TMEM117: variants seen among roughly 807,000 people sequenced by gnomAD.
TMEM117 encodes the protein transmembrane protein 117.
Under a neutral mutation model 52.4 loss-of-function variants are expected in TMEM117, and 27 were observed. The observed-to-expected ratio is 0.51, with a 90% confidence interval of 0.38 to 0.71. TMEM117 has a LOEUF of 0.71. TMEM117 is among the 30% of genes least tolerant of loss of function. The pLI is 0.00. For synonymous variants in TMEM117, 215 were observed against 206.3 expected (o/e 1.04, Z -0.36); for missense variants, 556 against 630.5 (o/e 0.88, Z 1.26).
intron 2 of TMEM117, among the ~76,000 whole-genome samples, chr12:43,905,187 T>C (rs1944365628): frequency 1.3e-5 from 2 of 152,136 alleles, no homozygotes; most frequent in Admixed American, 1.3e-4. Flanking sequence ...TGCCTGTGTA[T>C]GTCTCCCCTA....
intron 5 of TMEM117, among the ~76,000 whole-genome samples, chr12:44,239,528 G>A (rs1041538887): frequency 2.0e-5 from 3 of 152,010 alleles, no homozygotes; most frequent in African/African-American, 7.2e-5. Context: ...AACCCATGTT[G>A]GTTCTTAGCG....
At chr12:43,814,898 C>T in the TMEM117 span, among the ~76,000 whole-genome samples, 2 of 152,088 alleles carry the variant, frequency 1.3e-5, no homozygotes, top group Non-Finnish European at 2.9e-5. Flanking sequence ...GCACCCGCCA[C>T]CATGCCCAGC....
chr12:44,093,700 A>G (rs556480641), intron 3 of TMEM117, among the ~76,000 whole-genome samples: 1 of 149,902 alleles, frequency 6.7e-6, no homozygotes, highest in South Asian at 2.1e-4. Context: ...TTTAAGAAAT[A>G]TTTACTCATT....
chr12:43,798,104 A>G, the TMEM117 span, among the ~76,000 whole-genome samples: 1 of 152,124 alleles, frequency 6.6e-6, no homozygotes, highest in South Asian at 2.1e-4. Context: ...GGTTTGGCAC[A>G]ATTTCTTTAG....
chr12:44,099,115 A>T (rs1296164778), intron 3 of TMEM117, among the ~76,000 whole-genome samples: 1 of 149,656 alleles, frequency 6.7e-6, no homozygotes, highest in Non-Finnish European at 1.5e-5. Context: ...GGCTATCTTT[A>T]TTTTTTTTTT....
At chr12:43,915,403 T>C (rs1944584178) in intron 2 of TMEM117, among the ~76,000 whole-genome samples, 1 of 152,216 alleles carries the variant, frequency 6.6e-6, no homozygotes, top group Admixed American at 6.5e-5. Context: ...TCTTCTTGCC[T>C]CAAGGTTATT....
intron 2 of TMEM117, among the ~76,000 whole-genome samples, chr12:43,873,443 C>T (rs1406156907): frequency 6.6e-6 from 1 of 152,134 alleles, no homozygotes. Context: ...ATTCATCCAA[C>T]ATTCAGAGGT....
rs1948159028 is a variant in TMEM117 at position 44,117,192 on chromosome 12, C to G, written c.411-26333C>G. On this transcript the variant is annotated intron_variant, in intron 3 of 7. Coordinates refer to ENST00000266534, the MANE Select transcript of TMEM117 (RefSeq NM_032256.3). ...CATATTTTAAGTGCCTTGAGTTCAT[C>G]ATCATCTCTCTTGCCTCCTTACTTT... 2.0e-5 allele frequency among the ~76,000 whole-genome samples: 3 copies of G among 152,174 alleles called. No individual in the cohort carries two copies. The South Asian group carries it at 6.2e-4, about 32-fold the overall frequency.
At chr12:44,150,536 CAGTT>C (rs1003787106) in intron 4 of TMEM117, among the ~76,000 whole-genome samples, 3 of 152,164 alleles carry the variant, frequency 2.0e-5, no homozygotes, top group African/African-American at 7.2e-5. Context: ...TAATAATAAT[CAGTT>C]TGTTTGATCA....
At chr12:43,845,591 G>T (rs1565716121) in intron 2 of TMEM117, among the ~76,000 whole-genome samples, 1 of 150,460 alleles carries the variant, frequency 6.6e-6, no homozygotes, top group Non-Finnish European at 1.5e-5. Context: ...GGTGCACAAT[G>T]TGCAGGTTTG....
intron 3 of TMEM117, among the ~76,000 whole-genome samples, chr12:44,034,521 A>C (rs935851108): frequency 6.6e-6 from 1 of 152,358 alleles, no homozygotes; most frequent in East Asian, 1.9e-4. Context: ...GATTACTCCT[A>C]AAGTCATGTT....
At chr12:43,898,604 C>T (rs993528439) in intron 2 of TMEM117, among the ~76,000 whole-genome samples, 1 of 151,872 alleles carries the variant, frequency 6.6e-6, no homozygotes, top group African/African-American at 2.4e-5. Flanking sequence ...CTTCAGTGTT[C>T]CAGGAGTGAG....
chr12:44,035,834 T>G (rs1158690756), intron 3 of TMEM117, among the ~76,000 whole-genome samples: 1 of 152,084 alleles, frequency 6.6e-6, no homozygotes, highest in Non-Finnish European at 1.5e-5. Context: ...TTTTCTGTCA[T>G]TTGATTCAAG....
intron 6 of TMEM117, among the ~76,000 whole-genome samples, chr12:44,303,860 C>T (rs1225295032): frequency 6.6e-6 from 1 of 152,172 alleles, no homozygotes; most frequent in East Asian, 1.9e-4. Context: ...ATGAAAATTA[C>T]ACTTGTACCC....
At chr12:44,122,540 C>T (rs1306131236) in intron 3 of TMEM117, among the ~76,000 whole-genome samples, 1 of 152,110 alleles carries the variant, frequency 6.6e-6, no homozygotes, top group Non-Finnish European at 1.5e-5. Context: ...ATTAGCTATT[C>T]TTCTTGATGC....
chr12:44,247,266 T>C (rs1018581276), intron 5 of TMEM117, among the ~76,000 whole-genome samples: 5 of 152,226 alleles, frequency 3.3e-5, no homozygotes, highest in Non-Finnish European at 7.3e-5. Context: ...AGCTGAACTT[T>C]ATACTATTAG....
chr12:44,293,542 A>C (rs1022386054), intron 5 of TMEM117, among the ~76,000 whole-genome samples: 1 of 151,804 alleles, frequency 6.6e-6, no homozygotes, highest in African/African-American at 2.4e-5. Flanking sequence ...GATTTCCTAT[A>C]ATCTTATATT....
intron 1 of TMEM117, among the ~76,000 whole-genome samples, chr12:43,839,053 A>AG (rs1443636827): frequency 6.6e-6 from 1 of 152,158 alleles, no homozygotes; most frequent in Non-Finnish European, 1.5e-5. Context: ...GATTTTGCCT[A>AG]GGTCACATCT....
chr12:44,388,712 T>G lies in TMEM117; in HGVS notation c.*40T>G. 1 of 1,583,378 alleles carries G rather than the reference T, an allele frequency of 6.3e-7. No individual in the cohort carries two copies. The highest frequency in any genetic ancestry group is 1.2e-5 in the South Asian group (1 of 86,718). On this transcript the variant is annotated 3_prime_UTR_variant, in exon 8 of 8. Coordinates refer to ENST00000266534, the MANE Select transcript of TMEM117 (RefSeq NM_032256.3). Reference sequence around the variant, plus strand: ...TTGGAGATAACACAAAAAGCAACCTTGAGTGTAACTTTAAAAATTTAGTCT... The same window carrying G: ...TTGGAGATAACACAAAAAGCAACCTGGAGTGTAACTTTAAAAATTTAGTCT...
Sources: allele counts gnomAD v4.1 joint callset (sites outside exome capture counted in the v4.1 genomes callset), GRCh38; gene constraint gnomAD v4.1.1; transcripts MANE v1.5; gene names NCBI Gene and HGNC (gene_info 2026-07-23, HGNC 2026-07-21).